ZNF385C: variants seen among roughly 807,000 people sequenced by gnomAD.
ZNF385C encodes the protein zinc finger protein 385C.
Under a neutral mutation model 35.4 loss-of-function variants are expected in ZNF385C, and 28 were observed. That is an observed-to-expected ratio of 0.79 (90% CI 0.59 to 1.08). The LOEUF (loss-of-function observed/expected upper bound fraction) is 1.08. Ranked by LOEUF, ZNF385C falls within the 50% of genes least tolerant of loss-of-function variation. The pLI is 0.00. For missense variants in ZNF385C, 605 were observed against 595.6 expected (o/e 1.02, Z -0.16); for synonymous variants, 248 against 248.2 (o/e 1.00, Z 0.01).
Position 42,028,146 on chromosome 17 carries a change from T to A in ZNF385C, c.1068A>T (p.Arg356Ser). The A allele has an allele frequency of 6.2e-7, 1 of 1,610,958 alleles. No homozygotes were observed. Among genetic ancestry groups the A allele is most frequent in the Non-Finnish European group, 8.5e-7 (1 of 1,178,934 alleles). The change falls in exon 7 of 9, where the codon AGA (arginine) becomes AGT (serine). Residue 356 changes from arginine (R) to serine (S), a missense_variant. Arg to Ser is a moderately radical substitution (Grantham distance 110). Coordinates refer to ENST00000692273, the MANE Select transcript of ZNF385C (RefSeq NM_001392013.1). ...GCCGGCCGCCCCGGCCCCCTGTGAC[T>A]CTCTTGGCTTTGTGTCCGGCACCTC... The part of the protein sequence containing the change: ...SRGGAGHKAK[R>S]VTGGRGGRQG...
chr17:42,037,704 G>C, intron 3 of ZNF385C, 33 bp downstream of exon 3: 1 of 1,485,822 alleles, frequency 6.7e-7, no homozygotes, highest in Non-Finnish European at 9.0e-7. Flanking sequence ...ACAAGCTTGT[G>C]TGCATGCCCC....
intron 2 of ZNF385C, chr17:42,039,805 G>A: frequency 8.1e-7 from 1 of 1,232,334 alleles, no homozygotes; most frequent in Non-Finnish European, 1.0e-6. Context: ...CCCATCCACT[G>A]CGATCTTCAC....
intron 2 of ZNF385C, among the ~76,000 whole-genome samples, chr17:42,059,843 A>C (rs2053435463): frequency 6.6e-6 from 1 of 152,036 alleles, no homozygotes; most frequent in Non-Finnish European, 1.5e-5. Context: ...GCTAGTCTCA[A>C]ACTCCTGACC....
intron 4 of ZNF385C, among the ~76,000 whole-genome samples, chr17:42,033,305 AAG>A (rs1342633523): frequency 2.0e-5 from 3 of 152,208 alleles, no homozygotes; most frequent in Admixed American, 1.3e-4. Context: ...ATGTAGTAGA[AAG>A]GGGTAGGCTG....
chr17:42,064,941 G>A (rs558154961), intron 1 of ZNF385C, among the ~76,000 whole-genome samples: 8 of 152,116 alleles, frequency 5.3e-5, no homozygotes, highest in Admixed American at 1.3e-4. Flanking sequence ...TCTGCCTCCC[G>A]GATTCAAGCA....
intron 1 of ZNF385C, among the ~76,000 whole-genome samples, chr17:42,077,025 C>T (rs552495924): frequency 5.5e-4 from 83 of 152,280 alleles, no homozygotes; most frequent in African/African-American, 1.9e-3. Context: ...TATTCCAGCT[C>T]TCACTACTGG....
At chr17:42,053,556 G>A (rs1161803990) in intron 2 of ZNF385C, among the ~76,000 whole-genome samples, 1 of 152,304 alleles carries the variant, frequency 6.6e-6, no homozygotes, top group East Asian at 1.9e-4. Flanking sequence ...CCCTGGACAG[G>A]CATCTGCCCA....
chr17:42,089,787 G>A (rs1459434014), intron 1 of ZNF385C, among the ~76,000 whole-genome samples: 2 of 152,100 alleles, frequency 1.3e-5, no homozygotes, highest in East Asian at 3.8e-4. Context: ...GTACGGAATC[G>A]ATGCCGATGA....
intron 1 of ZNF385C, among the ~76,000 whole-genome samples, chr17:42,064,629 G>A (rs534508179): frequency 1.3e-5 from 2 of 151,784 alleles, no homozygotes; most frequent in African/African-American, 2.4e-5. Flanking sequence ...GTGTGATCTC[G>A]GCTCACTGCA....
rs2053909703 is a variant in ZNF385C at position 42,095,579 on chromosome 17, C to G, written c.-3+2831G>C. On this transcript the variant is annotated intron_variant, in intron 1 of 8. Coordinates refer to ENST00000692273, the MANE Select transcript of ZNF385C (RefSeq NM_001392013.1). This position sits in a 1 kb window ranked among gnomAD's most constrained non-coding sequence, Gnocchi z 4.4. ...TCACCACACACAGGAGAGAAGTAAC[C>G]TCTCCTCCCCAGCCCTTCCCTCTCA... Among the ~76,000 whole-genome samples, 1 of 152,088 alleles carries G rather than the reference C, an allele frequency of 6.6e-6. No homozygotes were observed. The highest frequency in any genetic ancestry group is 2.1e-4 in the South Asian group (1 of 4,828).
chr17:42,044,661 C>A (rs1555656453), intron 2 of ZNF385C, among the ~76,000 whole-genome samples: 1 of 151,888 alleles, frequency 6.6e-6, no homozygotes, highest in Admixed American at 6.6e-5. Flanking sequence ...AAAGCTGATT[C>A]TTTCCAAGAC....
chr17:42,027,828 C>G (rs2052628582), intron 7 of ZNF385C, 100 bp from the exon 8 acceptor site: 1 of 1,338,648 alleles, frequency 7.5e-7, no homozygotes, highest in African/African-American at 1.5e-5. Context: ...ACAGCTCATA[C>G]ATCCAAAGCA....
chr17:42,039,770 C>T (rs571038586), intron 2 of ZNF385C: 7 of 1,232,302 alleles, frequency 5.7e-6, no homozygotes, highest in Non-Finnish European at 7.1e-6. Context: ...ACAGCCAACC[C>T]GAAGTCAAAC....
chr17:42,075,596 A>G (rs1283688585), intron 1 of ZNF385C, among the ~76,000 whole-genome samples: 1 of 144,068 alleles, frequency 6.9e-6, no homozygotes, highest in African/African-American at 2.6e-5. Flanking sequence ...CCGGGTTCAC[A>G]CCATTCTCCT....
intron 1 of ZNF385C, among the ~76,000 whole-genome samples, chr17:42,094,577 A>G (rs1292742568): frequency 1.3e-5 from 2 of 152,228 alleles, no homozygotes; most frequent in Admixed American, 6.5e-5. Context: ...AGACAGAGAT[A>G]ACAAAGGACA....
intron 2 of ZNF385C, chr17:42,040,198 T>C (rs557456899): frequency 1.6e-6 from 2 of 1,231,536 alleles, no homozygotes; most frequent in South Asian, 8.2e-5. Flanking sequence ...GGCCACGGCG[T>C]CCAGCGAAGG....
At chr17:42,070,753 C>T (rs1325242572) in intron 1 of ZNF385C, among the ~76,000 whole-genome samples, 9 of 152,186 alleles carry the variant, frequency 5.9e-5, no homozygotes, top group African/African-American at 2.2e-4. Flanking sequence ...TCCTGGCCCT[C>T]CCTACCAGCC....
At chr17:42,053,573 C>T (rs1208662372) in intron 2 of ZNF385C, among the ~76,000 whole-genome samples, 1 of 152,184 alleles carries the variant, frequency 6.6e-6, no homozygotes, top group African/African-American at 2.4e-5. Flanking sequence ...CCCAGATGTC[C>T]AGCACCCCTG....
intron 1 of ZNF385C, among the ~76,000 whole-genome samples, chr17:42,076,286 C>T (rs1404828930): frequency 2.6e-5 from 4 of 152,184 alleles, no homozygotes; most frequent in Admixed American, 2.6e-4. Context: ...CCCTACTAAC[C>T]CTGAAAGTTT....
Sources: gnomAD v4.1 joint callset for allele counts (sites outside exome capture counted in the v4.1 genomes callset) on GRCh38, gnomAD v4.1.1 for gene constraint, Gnocchi (gnomAD v3.1) non-coding constraint, MANE v1.5 for transcripts, NCBI Gene and HGNC (gene_info 2026-07-23, HGNC 2026-07-21) for gene names.